RNF213: variants seen among roughly 807,000 people sequenced by gnomAD.
The protein encoded by RNF213 is E3 ubiquitin-protein ligase RNF213.
RNF213 carries 341 observed loss-of-function variants against 514.4 expected under a neutral mutation model. The ratio of observed to expected loss-of-function variants is 0.66; its 90% confidence interval spans 0.61 to 0.73. The LOEUF is 0.73. Ranked by LOEUF, RNF213 falls within the 30% of genes least tolerant of loss-of-function variation. The pLI, the probability that RNF213 is intolerant of heterozygous loss-of-function variation, is 0.00. For missense variants in RNF213, 5,767 were observed against 6,615.6 expected (o/e 0.87, Z 4.45); for synonymous variants, 2,655 against 2,658.2 (o/e 1.00, Z 0.04).
rs962335325 is a variant in RNF213 at position 80,290,427 on chromosome 17, G to A, written c.1113-143G>A. 102 of 941,102 alleles carry A rather than the reference G, an allele frequency of 1.1e-4. 1 individual carries two copies. Among genetic ancestry groups the A allele is most frequent in the Middle Eastern group, 3.2e-4 (1 of 3,134 alleles). The allele number at this position is 941,102 out of a possible 1,614,324, so 58.3% of individuals were successfully genotyped here. A position where few individuals can be genotyped will look rare whatever the true frequency, so the allele number is the denominator to read the frequency against. The stretch of plus-strand genomic sequence containing the variant: ...CTTGTGTGTGTGCGTGTGTGCGAGT[G>A]TGCGCGTGTGTGCATGTGTGTGTGC... On this transcript the variant is annotated intron_variant, in intron 6 of 67. Coordinates refer to ENST00000582970, the MANE Select transcript of RNF213 (RefSeq NM_001256071.3).
intron 15 of RNF213, chr17:80,316,748 A>C (rs1313291156): frequency 7.3e-6 from 2 of 274,594 alleles, no homozygotes; most frequent in Non-Finnish European, 1.4e-5. Context: ...TGGGAGAGAA[A>C]ATGCTCATTT....
chr17:80,268,480 C>G (rs535037014), intron 2 of RNF213, among the ~76,000 whole-genome samples: 2 of 151,862 alleles, frequency 1.3e-5, no homozygotes, highest in East Asian at 3.9e-4. Flanking sequence ...CCTATTTGGC[C>G]TTTGTGGAAG....
Position 80,345,636 on chromosome 17 carries a change from G to A in RNF213, c.7301G>A (p.Ser2434Asn). 6.2e-7 allele frequency: 1 copy of A among 1,614,186 alleles called. No homozygotes were observed. Among genetic ancestry groups the A allele is most frequent in the South Asian group, 1.1e-5 (1 of 91,086 alleles). Reference sequence around the variant, plus strand: ...AAAACCAGGCTTATTAAATTCCTTAGCGACCTGCGGCGTGGTGGTACCAAT... The same window carrying A: ...AAAACCAGGCTTATTAAATTCCTTAACGACCTGCGGCGTGGTGGTACCAAT... ...CGKTRLIKFL[S>N]DLRRGGTNAD... Residue 2434 changes from serine (S) to asparagine (N), a missense_variant, in exon 29 of 68, where the codon AGC becomes AAC. By Grantham distance (46) the Ser-to-Asn change is conservative (BLOSUM62 1). Coordinates refer to ENST00000582970, the MANE Select transcript of RNF213 (RefSeq NM_001256071.3). This position sits in a 1 kb window ranked among gnomAD's most constrained non-coding sequence, Gnocchi z 6.0.
Position 80,313,884 on chromosome 17 carries a change from GTAC to G in RNF213, c.2811+719_2811+721del, listed in dbSNP as rs2045697562. ...GGTGGTGGTGAAGGTGATGGTGGAG[GTAC>G]TGGAGGTGATGGTGGTGGTGGTGGT... is the stretch of plus-strand genomic sequence containing the variant. On this transcript the variant is annotated intron_variant, in intron 15 of 67. Transcript: ENST00000582970. Among the ~76,000 whole-genome samples the G allele has an allele frequency of 1.9e-5, 2 of 106,810 alleles. 1 individual carries two copies. The highest frequency in any genetic ancestry group is 9.5e-5 in the African/African-American group (2 of 21,074). The allele number at this position is 106,810 out of a possible 152,430, so 70.1% of individuals were successfully genotyped here.
In RNF213 at chr17:80,344,973, C is replaced by T; in HGVS notation, c.6638C>T (p.Ser2213Leu). 6.2e-7 allele frequency: 1 copy of T among 1,614,124 alleles called. No individual in the cohort carries two copies. Among genetic ancestry groups the T allele is most frequent in the South Asian group, 1.1e-5 (1 of 91,040 alleles). The change falls in exon 29 of 68, where the codon TCA becomes TTA. Residue 2213 changes from serine (S) to leucine (L), a missense_variant. Physicochemically the swap from Ser to Leu is moderately radical, Grantham distance 145 (BLOSUM62 -2). This residue lies in a region of RNF213 where 1,377 missense variants were observed against 1,635.2 expected (regional missense o/e 0.84). Transcript: ENST00000582970. ...TGCGGGGTAATAAACCCATCCTGGT[C>T]AGAGCTTCGGAACTTTGCTCGGTTC... ...FHCGVINPSWSELRNFARFLN... is the reference protein window; with the variant it reads ...FHCGVINPSWLELRNFARFLN...
At position 80,268,636 on chromosome 17, in the gene RNF213, CGTTT is replaced by C. The variant is rs1185867735; in HGVS notation, c.98-4604_98-4601del. On this transcript the variant is annotated intron_variant, in intron 2 of 67. Coordinates refer to ENST00000582970, the MANE Select transcript of RNF213 (RefSeq NM_001256071.3). Reference sequence around the variant, plus strand: ...CCATCCATCCATCCATCCATCCATCCGTTTATCTGTCTATCTATCTGTCATCTGT... The same window carrying C: ...CCATCCATCCATCCATCCATCCATCCATCTGTCTATCTATCTGTCATCTGT... Among the ~76,000 whole-genome samples the C allele has an allele frequency of 5.7e-5, 6 of 104,764 alleles. No individual in the cohort carries two copies. In the East Asian group the frequency reaches 1.8e-3, roughly 32 times the overall value. The allele number at this position is 104,764 out of a possible 152,430, so 68.7% of individuals were successfully genotyped here.
intron 2 of RNF213, among the ~76,000 whole-genome samples, chr17:80,270,019 C>T (rs182251620): frequency 6.6e-6 from 1 of 152,332 alleles, no homozygotes; most frequent in African/African-American, 2.4e-5. Flanking sequence ...ACGAAGTTTC[C>T]TCACCCTGGG....
At chr17:80,371,289 G>A (rs2079508634) in intron 46 of RNF213, among the ~76,000 whole-genome samples, 1 of 152,198 alleles carries the variant, frequency 6.6e-6, no homozygotes, top group Admixed American at 6.5e-5. Context: ...GCCACAATCA[G>A]CTGCAAAAAC....
In RNF213 at chr17:80,306,285, G is replaced by A. The variant is rs765780042; in HGVS notation, c.2244G>A (p.Gln748=). The A allele has an allele frequency of 4.6e-5, 74 of 1,613,994 alleles. 2 individuals carry two copies. In the Admixed American group the frequency reaches 1.2e-3, roughly 25 times the overall value. ...TACTTCAGTTTATGAGAGAGAAGCAGCATTTGCTGAGCATAGACGAGCCTC... is the reference window on the plus strand; with the variant it reads ...TACTTCAGTTTATGAGAGAGAAGCAACATTTGCTGAGCATAGACGAGCCTC... ...SSLLQFMREK[Q]HLLSIDEPLF... Residue 748 remains glutamine, a synonymous_variant, in exon 12 of 68, where the codon CAG becomes CAA. Coordinates refer to ENST00000582970, the MANE Select transcript of RNF213 (RefSeq NM_001256071.3).
intron 11 of RNF213, chr17:80,298,797 T>A (rs1224608323): frequency 3.2e-6 from 1 of 314,310 alleles, no homozygotes; most frequent in African/African-American, 2.2e-5. Context: ...AAAACCCGTC[T>A]GTACGAAAAA....
intron 41 of RNF213, 116 bp downstream of exon 41, chr17:80,363,906 T>C: frequency 9.9e-7 from 1 of 1,011,702 alleles, no homozygotes; most frequent in Non-Finnish European, 1.5e-6. Flanking sequence ...TGGGAGGGGC[T>C]CCGTCCTCAC....
chr17:80,386,794 A>C lies in RNF213; in HGVS notation c.14825A>C (p.Glu4942Ala). 6.2e-7 allele frequency: 1 copy of C among 1,614,220 alleles called. No homozygotes were observed. The highest frequency in any genetic ancestry group is 8.5e-7 in the Non-Finnish European group (1 of 1,180,028). ...CTCTCCAACTGCCAGTACCAGGTGG[A>C]GGAGGGCAGAGAGACCGTGCAGGAG... ...LILSNCQYQV[E>A]EGRETVQEFD... Residue 4942 changes from glutamate to alanine, a missense_variant, in exon 63 of 68, where the codon GAG becomes GCG. By Grantham distance (107) the Glu-to-Ala change is moderately radical. Coordinates refer to ENST00000582970, the MANE Select transcript of RNF213 (RefSeq NM_001256071.3).
chr17:80,287,694 T>C, intron 3 of RNF213, 121 bp from the exon 4 acceptor site: 1 of 945,564 alleles, frequency 1.1e-6, no homozygotes, highest in South Asian at 1.4e-5. Flanking sequence ...TAACAGATGT[T>C]AGGTACTTTG....
chr17:80,291,890 C>G (rs751345072), intron 8 of RNF213, 63 bp downstream of exon 8: 13 of 1,548,974 alleles, frequency 8.4e-6, no homozygotes, highest in Non-Finnish European at 1.2e-5. Context: ...TCCCGCGGTA[C>G]TGGACGCGTC....
rs148337328 is a variant in RNF213, at chr17:80,385,977, C to T, written c.14540-273C>T. 7.8e-4 allele frequency among the ~76,000 whole-genome samples: 119 copies of T among 152,300 alleles called. 4 individuals are homozygous for T. The East Asian group carries it at 0.022, about 28-fold the overall frequency. On this transcript the variant is annotated intron_variant, in intron 61 of 67. Coordinates refer to ENST00000582970, the MANE Select transcript of RNF213 (RefSeq NM_001256071.3). Reference sequence around the variant, plus strand: ...CACTGCGCCCAGCCAGCACTGTTAACGCTTAACTTGTGTCTCTTTTGATGG... The same window carrying T: ...CACTGCGCCCAGCCAGCACTGTTAATGCTTAACTTGTGTCTCTTTTGATGG...
chr17:80,385,644 C>A (rs1402946248), intron 61 of RNF213, 23 bp downstream of exon 61: 1 of 1,601,356 alleles, frequency 6.2e-7, no homozygotes, highest in Non-Finnish European at 8.6e-7. Context: ...TCCCCTGTAC[C>A]ACTAAGCGTT....
At chr17:80,305,430 G>T (rs1376159163) in intron 11 of RNF213, among the ~76,000 whole-genome samples, 3 of 151,470 alleles carry the variant, frequency 2.0e-5, no homozygotes. Context: ...TGCCTGCCTC[G>T]GCCTCCCAAA....
intron 13 of RNF213, 126 bp downstream of exon 13, chr17:80,307,327 C>T (rs1598972211): frequency 2.6e-6 from 2 of 770,810 alleles, no homozygotes; most frequent in African/African-American, 3.6e-5. Flanking sequence ...AATATGTGGC[C>T]CACTTCTCTT....
At chr17:80,329,794 A>G (rs1005027060) in intron 20 of RNF213, among the ~76,000 whole-genome samples, 2 of 152,198 alleles carry the variant, frequency 1.3e-5, no homozygotes, top group African/African-American at 4.8e-5. Flanking sequence ...TCACGCCACA[A>G]CACTCCAGCT....
Sources: gnomAD v4.1 joint callset for allele counts (sites outside exome capture counted in the v4.1 genomes callset) on GRCh38, gnomAD v4.1.1 for gene constraint, gnomAD v4.1.1 regional missense constraint, Gnocchi (gnomAD v3.1) non-coding constraint, MANE v1.5 for transcripts, NCBI Gene and HGNC (gene_info 2026-07-23, HGNC 2026-07-21) for gene names.